Variants in CDH2 observed in about 807,000 individuals in gnomAD.
CDH2 encodes cadherin 2.
Under a neutral mutation model 92.0 loss-of-function variants are expected in CDH2, and 17 were observed. The ratio of observed to expected loss-of-function variants is 0.18; its 90% CI spans 0.13 to 0.28. CDH2 has a LOEUF of 0.28. CDH2 is among the 10% of genes least tolerant of loss of function. The pLI is 1.00. For synonymous variants in CDH2, 419 were observed against 415.9 expected (o/e 1.01, Z -0.09); for missense variants, 862 against 1,133.1 (o/e 0.76, Z 3.44).
intron 2 of CDH2, among the ~76,000 whole-genome samples, chr18:28,117,068 T>C (rs531027020): frequency 1.3e-5 from 2 of 152,110 alleles, no homozygotes; most frequent in African/African-American, 2.4e-5. Context: ...TTTTTGAAGT[T>C]TGAGAAGTGG....
chr18:28,101,543 T>C (rs2015227161), intron 2 of CDH2, among the ~76,000 whole-genome samples: 1 of 152,164 alleles, frequency 6.6e-6, no homozygotes, highest in South Asian at 2.1e-4. Flanking sequence ...TTGTGATTTA[T>C]AAACAAATAC....
chr18:27,989,284 G>A (rs748699801), intron 10 of CDH2, among the ~76,000 whole-genome samples: 3 of 152,122 alleles, frequency 2.0e-5, no homozygotes, highest in Non-Finnish European at 4.4e-5. Flanking sequence ...TTGGAGTGGG[G>A]ATTAACTTTT....
chr18:28,115,778 G>A (rs1009181122), intron 2 of CDH2, among the ~76,000 whole-genome samples: 3 of 152,126 alleles, frequency 2.0e-5, no homozygotes, highest in Middle Eastern at 6.8e-3. Flanking sequence ...GACAGAACAC[G>A]TGGAATATCC....
chr18:28,079,585 AC>A (rs1238818835), intron 2 of CDH2, among the ~76,000 whole-genome samples: 4 of 152,250 alleles, frequency 2.6e-5, no homozygotes, highest in Middle Eastern at 3.4e-3. Context: ...TTAAAACAAA[AC>A]CAAGGCAAAA....
At chr18:28,170,923 CAAA>C (rs55875974) in intron 1 of CDH2, among the ~76,000 whole-genome samples, 4 of 137,248 alleles carry the variant, frequency 2.9e-5, no homozygotes, top group Non-Finnish European at 1.6e-5. Flanking sequence ...ATACCTGTAC[CAAA>C]AAAAAAAAAA....
intron 1 of CDH2, among the ~76,000 whole-genome samples, chr18:28,148,648 G>A (rs1231028188): frequency 6.6e-6 from 1 of 152,120 alleles, no homozygotes; most frequent in African/African-American, 2.4e-5. Flanking sequence ...GAGGAAGGAC[G>A]AGTAGAATGA....
intron 2 of CDH2, among the ~76,000 whole-genome samples, chr18:28,137,544 C>T (rs1209046819): frequency 1.3e-5 from 2 of 151,810 alleles, no homozygotes; most frequent in East Asian, 3.9e-4. Context: ...CTTGCAGAGA[C>T]ACAGTTCAAA....
At chr18:28,110,352 C>T (rs2015391546) in intron 2 of CDH2, among the ~76,000 whole-genome samples, 2 of 152,144 alleles carry the variant, frequency 1.3e-5, no homozygotes, top group Non-Finnish European at 2.9e-5. Flanking sequence ...TTGTGAGATG[C>T]TGAGTTAAGG....
intron 13 of CDH2, 93 bp downstream of exon 13, chr18:27,984,907 A>T: frequency 1.1e-6 from 1 of 909,726 alleles, no homozygotes; most frequent in Non-Finnish European, 1.7e-6. Context: ...AAGGGTTGTT[A>T]GACTACTTTG....
intron 1 of CDH2, among the ~76,000 whole-genome samples, chr18:28,171,118 T>G (rs2144370080): frequency 6.6e-6 from 1 of 151,222 alleles, no homozygotes; most frequent in Non-Finnish European, 1.5e-5. Context: ...TAATCCCAGC[T>G]ACACAGGAGG....
intron 2 of CDH2, among the ~76,000 whole-genome samples, chr18:28,055,535 TTAA>T (rs1173485475): frequency 2.0e-5 from 3 of 152,222 alleles, no homozygotes; most frequent in Non-Finnish European, 2.9e-5. Context: ...ATGAAAAATC[TTAA>T]TGATATTTCT....
rs1246815905 is a variant in CDH2, at chr18:28,166,151, T to TATATATATATATATAC, written c.60+10811_60+10812insGTATATATATATATAT. Among the ~76,000 whole-genome samples, 63 of 130,572 alleles carry TATATATATATATATAC rather than the reference T, an allele frequency of 4.8e-4. 2 individuals are homozygous for TATATATATATATATAC. The East Asian group carries it at 0.013, about 27-fold the overall frequency. The allele number at this position is 130,572 out of a possible 152,430, so 85.7% of individuals were successfully genotyped here. A position where few individuals can be genotyped will look rare whatever the true frequency, so the allele number is the denominator to read the frequency against. On this transcript the variant is annotated intron_variant, in intron 1 of 15. Transcript: ENST00000269141. ...AAGAGGAGTAATTCAGACACACTCATATATATATATATATATATATATGTC... is the reference window on the plus strand; with the variant it reads ...AAGAGGAGTAATTCAGACACACTCATATATATATATATATACATATATATATATATATATATATGTC...
intron 5 of CDH2, among the ~76,000 whole-genome samples, chr18:28,009,378 AT>A (rs34377225): frequency 0.2 from 29,742 of 152,096 alleles, 3,351 homozygotes; most frequent in Non-Finnish European, 0.25. Context: ...TGACCTCTAT[AT>A]ATTTTACATG....
At chr18:28,167,477 A>T (rs966818970) in intron 1 of CDH2, among the ~76,000 whole-genome samples, 1 of 152,170 alleles carries the variant, frequency 6.6e-6, no homozygotes, top group Non-Finnish European at 1.5e-5. Flanking sequence ...TTACAAATAC[A>T]TATGATATAA....
chr18:27,943,469 T>C (rs1030116726), intron 6 of CDH2, among the ~76,000 whole-genome samples: 4 of 152,204 alleles, frequency 2.6e-5, no homozygotes, highest in African/African-American at 9.7e-5. Flanking sequence ...TTTACTGATG[T>C]TACCAAAAAG....
intron 2 of CDH2, among the ~76,000 whole-genome samples, chr18:28,129,848 T>C (rs1264461112): frequency 6.6e-6 from 1 of 152,184 alleles, no homozygotes; most frequent in African/African-American, 2.4e-5. Context: ...ATGACTCTAC[T>C]GTCTATGTCC....
Position 28,118,217 on chromosome 18 carries a change from G to A in CDH2, c.172+29456C>T, listed in dbSNP as rs561752849. Among the ~76,000 whole-genome samples the A allele has an allele frequency of 7.2e-5, 11 of 151,850 alleles. No individual in the cohort carries two copies. The South Asian group carries it at 8.3e-4, about 11-fold the overall frequency. Reference sequence around the variant, plus strand: ...ACATACACCTGTGTTAAAGAACCGAGAGCAGTTTGAGATGGAAAGAAGAGT... The same window carrying A: ...ACATACACCTGTGTTAAAGAACCGAAAGCAGTTTGAGATGGAAAGAAGAGT... On this transcript the variant is annotated intron_variant, in intron 2 of 15. Transcript: ENST00000269141.
At chr18:28,147,576 C>A in intron 2 of CDH2, 97 bp downstream of exon 2, 1 of 672,424 alleles carries the variant, frequency 1.5e-6, no homozygotes. Flanking sequence ...AAAATTCATA[C>A]TTGTTATACA....
chr18:28,022,107 G>A (rs188057646), intron 2 of CDH2, among the ~76,000 whole-genome samples: 2 of 151,804 alleles, frequency 1.3e-5, no homozygotes, highest in Non-Finnish European at 2.9e-5. Context: ...ACCACATAAC[G>A]AATTTGCTCA....
Sources: gnomAD v4.1 joint callset for allele counts (sites outside exome capture counted in the v4.1 genomes callset) on GRCh38, gnomAD v4.1.1 for gene constraint, MANE v1.5 for transcripts, NCBI Gene and HGNC (gene_info 2026-07-23, HGNC 2026-07-21) for gene names.